The following MB21D2 variants were observed in gnomAD, a reference collection of about 807,000 sequenced individuals.
The protein encoded by MB21D2 is nucleotidyltransferase MB21D2.
MB21D2 carries 9 observed loss-of-function variants against 33.3 expected under a neutral mutation model. The ratio of observed to expected loss-of-function variants is 0.27; its 90% confidence interval spans 0.16 to 0.47. MB21D2 has a LOEUF of 0.47. Ranked by LOEUF, MB21D2 falls within the 20% of genes least tolerant of loss-of-function variation. The pLI, the probability that MB21D2 is intolerant of heterozygous loss-of-function variation, is 0.99. For synonymous variants in MB21D2, 241 were observed against 236.3 expected, an observed-to-expected ratio of 1.02 and a Z score of -0.18; for missense variants, 540 against 624.6, an observed-to-expected ratio of 0.86 and a Z score of 1.44.
rs1313540694 is a variant in MB21D2, at chr3:192,849,444, AG to A, written c.212-49795del. 9.2e-5 allele frequency among the ~76,000 whole-genome samples: 14 copies of A among 151,862 alleles called. No homozygotes were observed. The South Asian group carries it at 1.9e-3, about 20-fold the overall frequency. On this transcript the variant is annotated intron_variant, in intron 1 of 1. Coordinates refer to ENST00000392452, the MANE Select transcript of MB21D2 (RefSeq NM_178496.4). ...GCGATTCTCCTGCCTCAGCTTCCTGAGTAGCTGGGATTACAGGCATGTGCCA... is the reference window on the plus strand; with the variant it reads ...GCGATTCTCCTGCCTCAGCTTCCTGATAGCTGGGATTACAGGCATGTGCCA...
intron 1 of MB21D2, among the ~76,000 whole-genome samples, chr3:192,884,656 C>T (rs568910291): frequency 9.2e-5 from 14 of 152,202 alleles, no homozygotes; most frequent in African/African-American, 1.4e-4. Flanking sequence ...CGTGAGCCAT[C>T]GCACCCGGCC....
chr3:192,833,476 G>A (rs1466711776), intron 1 of MB21D2, among the ~76,000 whole-genome samples: 1 of 152,142 alleles, frequency 6.6e-6, no homozygotes, highest in Non-Finnish European at 1.5e-5. Flanking sequence ...TCATTTGTGT[G>A]CCTTCAGTTT....
chr3:192,829,195 G>T (rs12635748), intron 1 of MB21D2, among the ~76,000 whole-genome samples: 1 of 152,106 alleles, frequency 6.6e-6, no homozygotes, highest in South Asian at 2.1e-4. Context: ...CTTTCACTTA[G>T]CATGATGCTT....
chr3:192,872,571 G>A (rs1308338072), intron 1 of MB21D2, among the ~76,000 whole-genome samples: 9 of 98,630 alleles, frequency 9.1e-5, no homozygotes, highest in African/African-American at 3.0e-4. Flanking sequence ...GCGAGACTCC[G>A]TCTCAAAAAA....
intron 1 of MB21D2, among the ~76,000 whole-genome samples, chr3:192,826,367 G>T (rs1218287477): frequency 6.6e-6 from 1 of 152,200 alleles, no homozygotes; most frequent in Non-Finnish European, 1.5e-5. Flanking sequence ...GTCAAGGCAC[G>T]TGTAGCAAAT....
At chr3:192,801,157 C>A (rs1417375120) in intron 1 of MB21D2, among the ~76,000 whole-genome samples, 1 of 152,098 alleles carries the variant, frequency 6.6e-6, no homozygotes, top group Non-Finnish European at 1.5e-5. Context: ...AGGTAGATAG[C>A]ATTAATAGAT....
chr3:192,889,162 A>AGT (rs1713796732), intron 1 of MB21D2, among the ~76,000 whole-genome samples: 2 of 152,160 alleles, frequency 1.3e-5, no homozygotes. Context: ...ACACACAAAT[A>AGT]TACAGTTAGT....
intron 1 of MB21D2, among the ~76,000 whole-genome samples, chr3:192,806,318 T>A (rs1183782154): frequency 2.0e-5 from 3 of 152,192 alleles, no homozygotes; most frequent in African/African-American, 7.2e-5. Context: ...CTGAAATGTG[T>A]CCATACTCAA....
In MB21D2 at chr3:192,899,453, C is replaced by T. The variant is rs1211417338; in HGVS notation, c.211+18177G>A. 2.0e-5 allele frequency among the ~76,000 whole-genome samples: 3 copies of T among 151,984 alleles called. No individual in the cohort carries two copies. In the East Asian group the frequency reaches 5.8e-4, roughly 29 times the overall value. On this transcript the variant is annotated intron_variant, in intron 1 of 1. Coordinates refer to ENST00000392452, the MANE Select transcript of MB21D2 (RefSeq NM_178496.4). ...CTGAGGCAGGAGAATCACTTGAACC[C>T]AGGAAGTGGAGGTTGCAGGGAACCG...
chr3:192,810,729 T>C (rs1052228924), intron 1 of MB21D2, among the ~76,000 whole-genome samples: 1 of 152,252 alleles, frequency 6.6e-6, no homozygotes, highest in Non-Finnish European at 1.5e-5. Context: ...ACCTATCATT[T>C]TACCCATAAA....
intron 1 of MB21D2, among the ~76,000 whole-genome samples, chr3:192,805,902 G>T (rs566791428): frequency 1.1e-3 from 161 of 152,298 alleles, no homozygotes; most frequent in African/African-American, 3.8e-3. Flanking sequence ...ATTCCACGGA[G>T]TTATTTTAAA....
At chr3:192,849,922 CTTT>C (rs58263373) in intron 1 of MB21D2, among the ~76,000 whole-genome samples, 2 of 139,910 alleles carry the variant, frequency 1.4e-5, no homozygotes, top group African/African-American at 2.6e-5. Context: ...TAAAAATTTT[CTTT>C]TTTTTTTTTT....
chr3:192,914,767 C>T (rs1714427174), intron 1 of MB21D2, among the ~76,000 whole-genome samples: 1 of 152,078 alleles, frequency 6.6e-6, no homozygotes, highest in Non-Finnish European at 1.5e-5. Context: ...ACCCCAGAGA[C>T]CACAGTGACC....
At chr3:192,911,951 A>G (rs1714366593) in intron 1 of MB21D2, among the ~76,000 whole-genome samples, 1 of 152,208 alleles carries the variant, frequency 6.6e-6, no homozygotes, top group Admixed American at 6.5e-5. Context: ...CCCATAAAAC[A>G]CCAACGCACC....
Position 192,917,798 on chromosome 3 carries a change from C to A in MB21D2, c.43G>T (p.Gly15Cys), listed in dbSNP as rs892620662. The A allele has an allele frequency of 1.9e-6, 3 of 1,612,832 alleles. No individual in the cohort carries two copies. The highest frequency in any genetic ancestry group is 2.5e-6 in the Non-Finnish European group (3 of 1,179,704). The change falls in exon 1 of 2, where the codon GGC (glycine) becomes TGC (cysteine). Residue 15 changes from glycine (G) to cysteine (C), a missense_variant. Physicochemically the swap from Gly to Cys is radical, Grantham distance 159. Transcript: ENST00000392452. The part of the protein sequence containing the change: ...APTANKAASL[G>C]CNNKPAFPEL... Reference sequence around the variant, plus strand: ...GGGAACGCAGGCTTGTTGTTACAGCCCAGGGAGGCTGCCTTGTTGGCGGTG... The same window carrying A: ...GGGAACGCAGGCTTGTTGTTACAGCACAGGGAGGCTGCCTTGTTGGCGGTG...
chr3:192,828,681 C>A (rs1285003127), intron 1 of MB21D2, among the ~76,000 whole-genome samples: 1 of 127,240 alleles, frequency 7.9e-6, no homozygotes, highest in Non-Finnish European at 1.6e-5. Flanking sequence ...CGGAGTCTCG[C>A]TCTGTCGCCC....
chr3:192,830,381 C>T (rs1230574213), intron 1 of MB21D2, among the ~76,000 whole-genome samples: 1 of 152,036 alleles, frequency 6.6e-6, no homozygotes, highest in Non-Finnish European at 1.5e-5. Context: ...TTCCATTCCG[C>T]ACCCCCACCC....
At position 192,818,714 on chromosome 3, in the gene MB21D2, G is replaced by A. The variant is rs11918038; in HGVS notation, c.212-19064C>T. The stretch of plus-strand genomic sequence containing the variant: ...CTTTTGTTAATGTCCTGGTTACAAA[G>A]TCAAATAGGTTTTGGGGGATATGGT... On this transcript the variant is annotated intron_variant, in intron 1 of 1. Transcript: ENST00000392452. Among the ~76,000 whole-genome samples the A allele has an allele frequency of 3.8e-3, 576 of 152,134 alleles. 5 individuals are homozygous for A. Among genetic ancestry groups the A allele is most frequent in the African/African-American group, 0.013 (538 of 41,474 alleles).
chr3:192,890,174 T>C (rs1347956123), intron 1 of MB21D2, among the ~76,000 whole-genome samples: 2 of 152,118 alleles, frequency 1.3e-5, no homozygotes, highest in Non-Finnish European at 2.9e-5. Context: ...ATGTCCCTGC[T>C]TCCCTCACAG....
Sources: gnomAD v4.1 joint callset for allele counts (sites outside exome capture counted in the v4.1 genomes callset) on GRCh38, gnomAD v4.1.1 for gene constraint, MANE v1.5 for transcripts, NCBI Gene and HGNC (gene_info 2026-07-23, HGNC 2026-07-21) for gene names.